S100A10: variants seen among roughly 807,000 people sequenced by gnomAD.
The protein encoded by S100A10 is protein S100-A10.
In S100A10, 3 loss-of-function variants were observed where a neutral mutation model predicts 7.1. The observed-to-expected ratio is 0.42, with a 90% CI of 0.19 to 1.10. The LOEUF (loss-of-function observed/expected upper bound fraction) is 1.10, where lower values mean the gene tolerates loss of function less well. S100A10 is among the 50% of genes least tolerant of loss of function. The pLI is 0.29. For synonymous variants in S100A10, 41 were observed against 39.3 expected (o/e 1.04, Z -0.16); for missense variants, 101 against 118.1 (o/e 0.86, Z 0.67).
intron 1 of S100A10, among the ~76,000 whole-genome samples, chr1:151,988,807 T>C (rs191410608): frequency 2.7e-4 from 41 of 152,276 alleles, no homozygotes; most frequent in African/African-American, 9.9e-4. Flanking sequence ...TTGCCTGGAC[T>C]GGTACTCCAA....
At chr1:151,990,213 G>A (rs12083193) in intron 1 of S100A10, among the ~76,000 whole-genome samples, 15 of 152,022 alleles carry the variant, frequency 9.9e-5, no homozygotes, top group African/African-American at 1.5e-4. Context: ...AACTATGAAC[G>A]GAACAGTAGA....
chr1:151,987,025 C>G (rs1348607793), intron 1 of S100A10, among the ~76,000 whole-genome samples: 2 of 97,036 alleles, frequency 2.1e-5, no homozygotes, highest in Non-Finnish European at 4.1e-5. Flanking sequence ...ATCAGTGTTC[C>G]TCTTTTTTTT....
intron 1 of S100A10, among the ~76,000 whole-genome samples, chr1:151,990,312 CCTTCT>C (rs537610475): frequency 3.8e-4 from 58 of 152,348 alleles, no homozygotes; most frequent in African/African-American, 1.2e-3. Flanking sequence ...TGACTGTGCT[CCTTCT>C]CTTCTAACAC....
chr1:151,990,764 A>G (rs1423575994), intron 1 of S100A10, among the ~76,000 whole-genome samples: 1 of 152,200 alleles, frequency 6.6e-6, no homozygotes, highest in African/African-American at 2.4e-5. Context: ...ATACTATTAA[A>G]GCATTTGGCC....
chr1:151,983,193 T>C lies in S100A10; in HGVS notation c.264A>G (p.Val88=). The change falls in exon 3 of 3, where the codon GTA becomes GTG. Residue 88 remains valine (V), a synonymous_variant. Coordinates refer to ENST00000368811, the MANE Select transcript of S100A10 (RefSeq NM_002966.3). ...GLTIACNDYF[V]VHMKQKGKK ...TCTTTCCCTTCTGCTTCATGTGTAC[T>C]ACAAAATAGTCATTGCATGCAATGG... The C allele has an allele frequency of 6.3e-7, 1 of 1,591,244 alleles. No individual in the cohort carries two copies. The highest frequency in any genetic ancestry group is 1.9e-5 in the Admixed American group (1 of 53,246).
chr1:151,988,241 T>G (rs908437640), intron 1 of S100A10, among the ~76,000 whole-genome samples: 1 of 152,228 alleles, frequency 6.6e-6, no homozygotes, highest in African/African-American at 2.4e-5. Flanking sequence ...CAGATAAGCT[T>G]TGGCTAATAT....
intron 2 of S100A10, 49 bp downstream of exon 2, chr1:151,986,050 G>A (rs751061007): frequency 6.6e-7 from 1 of 1,518,134 alleles, no homozygotes. Flanking sequence ...CCAAGGCCTA[G>A]AAGCATTGAC....
In S100A10 at chr1:151,983,060, A is replaced by G; in HGVS notation, c.*103T>C. 1 of 730,030 alleles carries G rather than the reference A, an allele frequency of 1.4e-6. No homozygotes were observed. The highest frequency in any genetic ancestry group is 2.1e-6 in the Non-Finnish European group (1 of 478,344). The allele number at this position is 730,030 out of a possible 1,614,324, so 45.2% of individuals were successfully genotyped here. On this transcript the variant is annotated 3_prime_UTR_variant, in exon 3 of 3. Transcript: ENST00000368811. ...ATTTTTACATTTGCTAAGTGTCCTG[A>G]TCTGCTCATGAAATCCTTCTATGGG...
chr1:151,982,933 C>T lies in S100A10; in HGVS notation c.*230G>A, dbSNP rs556653205. ...TCTCAAATTTGGAACTAAAAAAGAA[C>T]TTTATTTATTGAGGGCAAGGGGATG... is the stretch of plus-strand genomic sequence containing the variant. On this transcript the variant is annotated 3_prime_UTR_variant, in exon 3 of 3. Transcript: ENST00000368811. The T allele has an allele frequency of 2.9e-4, 93 of 319,206 alleles. No homozygotes were observed. Among genetic ancestry groups the T allele is most frequent in the African/African-American group, 1.7e-3 (81 of 47,096 alleles). 19.8% of individuals were successfully genotyped at this position (319,206 alleles called of 1,614,324 possible).
intron 1 of S100A10, among the ~76,000 whole-genome samples, chr1:151,987,165 C>G (rs1056828740): frequency 6.6e-6 from 1 of 150,456 alleles, no homozygotes; most frequent in Non-Finnish European, 1.5e-5. Flanking sequence ...CCACCATGTC[C>G]GGCTAATTTT....
intron 1 of S100A10, among the ~76,000 whole-genome samples, chr1:151,992,275 C>G (rs1390532759): frequency 1.3e-5 from 2 of 152,306 alleles, no homozygotes; most frequent in South Asian, 2.1e-4. Context: ...ACCTAAAACG[C>G]ACAACATAAA....
chr1:151,984,982 G>A (rs900223163), intron 2 of S100A10, among the ~76,000 whole-genome samples: 5 of 152,172 alleles, frequency 3.3e-5, no homozygotes, highest in Non-Finnish European at 7.4e-5. Flanking sequence ...GATAGCATTA[G>A]GTAATAACTG....
Position 151,983,113 on chromosome 1 carries a change from G to A in S100A10, c.*50C>T, listed in dbSNP as rs1051803715. ...AAGCTGTGGGGCAGATTCCTTAAGC[G>A]ACCCTTTGGGACAACTCTTATCAGG... On this transcript the variant is annotated 3_prime_UTR_variant, in exon 3 of 3. Transcript: ENST00000368811. 6 of 1,343,348 alleles carry A rather than the reference G, an allele frequency of 4.5e-6. No individual in the cohort carries two copies. The highest frequency in any genetic ancestry group is 2.7e-5 in the Admixed American group (1 of 36,988). The allele number at this position is 1,343,348 out of a possible 1,614,324, so 83.2% of individuals were successfully genotyped here. A position where few individuals can be genotyped will look rare whatever the true frequency, so the allele number is the denominator to read the frequency against.
rs1171530937 is a variant in S100A10 at position 151,983,061 on chromosome 1, T to C, written c.*102A>G. ...TTTTTACATTTGCTAAGTGTCCTGA[T>C]CTGCTCATGAAATCCTTCTATGGGG... On this transcript the variant is annotated 3_prime_UTR_variant, in exon 3 of 3. Transcript: ENST00000368811. The C allele has an allele frequency of 1.4e-6, 1 of 734,154 alleles. No individual in the cohort carries two copies. The highest frequency in any genetic ancestry group is 2.1e-6 in the Non-Finnish European group (1 of 482,006). 45.5% of individuals were successfully genotyped at this position (734,154 alleles called of 1,614,324 possible). A position where few individuals can be genotyped will look rare whatever the true frequency, so the allele number is the denominator to read the frequency against.
At chr1:151,984,983 G>A (rs996759159) in intron 2 of S100A10, among the ~76,000 whole-genome samples, 1 of 152,166 alleles carries the variant, frequency 6.6e-6, no homozygotes, top group African/African-American at 2.4e-5. Flanking sequence ...ATAGCATTAG[G>A]TAATAACTGC....
chr1:151,984,775 T>C (rs755483173), intron 2 of S100A10, among the ~76,000 whole-genome samples: 1 of 152,200 alleles, frequency 6.6e-6, no homozygotes, highest in Admixed American at 6.5e-5. Flanking sequence ...TGAATGATCA[T>C]AGAAAGTGAA....
chr1:151,983,236 GA>G lies in S100A10; in HGVS notation c.220del (p.Ser74ProfsTer2). ...DGKVGFQSFF[S>X]LIAGLTIACN... ...TGCAATGGTGAGGCCCGCAATTAGG[GA>G]AAAGAAGCTCTGGAAGCCCACTTTG... On this transcript the variant is annotated frameshift_variant, in exon 3 of 3. Coordinates refer to ENST00000368811, the MANE Select transcript of S100A10 (RefSeq NM_002966.3). LOFTEE classifies it high-confidence loss of function. 2 of 1,606,710 alleles carry G rather than the reference GA, an allele frequency of 1.2e-6. No individual in the cohort carries two copies. Among genetic ancestry groups the G allele is most frequent in the Admixed American group, 1.7e-5 (1 of 58,382 alleles).
chr1:151,983,251 A>G lies in S100A10; in HGVS notation c.206T>C (p.Phe69Ser). The change falls in exon 3 of 3, where the codon TTC (phenylalanine) becomes TCC (serine). Residue 69 changes from phenylalanine (F) to serine (S), a missense_variant. Coordinates refer to ENST00000368811, the MANE Select transcript of S100A10 (RefSeq NM_002966.3). ...LDQCRDGKVG[F>S]QSFFSLIAGL... ...CGCAATTAGGGAAAAGAAGCTCTGG[A>G]AGCCCACTTTGCCATCTCTACACTG... The G allele has an allele frequency of 6.2e-7, 1 of 1,607,394 alleles. No homozygotes were observed. Among genetic ancestry groups the G allele is most frequent in the Non-Finnish European group, 8.5e-7 (1 of 1,177,312 alleles).
At chr1:151,988,750 T>C (rs971143244) in intron 1 of S100A10, among the ~76,000 whole-genome samples, 10 of 152,120 alleles carry the variant, frequency 6.6e-5, no homozygotes, top group African/African-American at 2.4e-4. Context: ...TCATCCCCCA[T>C]CCCTCATATG....
Sources: gnomAD v4.1 joint callset for allele counts (sites outside exome capture counted in the v4.1 genomes callset) on GRCh38, gnomAD v4.1.1 for gene constraint, MANE v1.5 for transcripts, NCBI Gene and HGNC (gene_info 2026-07-23, HGNC 2026-07-21) for gene names.